The following GRIN2B variants were observed in gnomAD, a reference collection of about 807,000 sequenced individuals.
GRIN2B encodes glutamate ionotropic receptor NMDA type subunit 2B, also known as glutamate receptor ionotropic, NMDA 2B.
In GRIN2B, 5 loss-of-function variants were observed where a neutral mutation model predicts 114.5. That is an observed-to-expected ratio of 0.04 (90% CI 0.02 to 0.09). The LOEUF is 0.09. Ranked by LOEUF, GRIN2B falls within the 10% of genes least tolerant of loss-of-function variation. GRIN2B has a pLI of 1.00. For missense variants in GRIN2B, 1,108 were observed against 1,943.5 expected, an observed-to-expected ratio of 0.57 and a Z score of 8.08; for synonymous variants, 787 against 745.1, an observed-to-expected ratio of 1.06 and a Z score of -0.92.
At chr12:13,819,706 C>G in intron 3 of GRIN2B, among the ~76,000 whole-genome samples, 1 of 152,178 alleles carries the variant, frequency 6.6e-6, no homozygotes, top group East Asian at 1.9e-4. Context: ...TTTTACAGCA[C>G]TGTATGTCAG....
At position 13,611,741 on chromosome 12, in the gene GRIN2B, G is replaced by C; in HGVS notation, c.1764C>G (p.Cys588Trp). Residue 588 changes from cysteine to tryptophan, a missense_variant, in exon 9 of 14, where the codon TGC (cysteine) becomes TGG (tryptophan). Cys to Trp is a radical substitution (Grantham distance 215, BLOSUM62 -2). This residue lies in a region of GRIN2B where 24 missense variants were observed against 38.1 expected (regional missense o/e 0.63). Coordinates refer to ENST00000609686, the MANE Select transcript of GRIN2B (RefSeq NM_000834.5). Reference sequence around the variant, plus strand: ...CGGCCTTACCTCTGCCATCAGCGAGGCACCTGTTATAACCCACAGGGCTGA... The same window carrying C: ...CGGCCTTACCTCTGCCATCAGCGAGCCACCTGTTATAACCCACAGGGCTGA... ...EYFSPVGYNR[C>W]LADGREPGGP... The C allele has an allele frequency of 1.2e-6, 2 of 1,613,770 alleles. No homozygotes were observed. Among genetic ancestry groups the C allele is most frequent in the Non-Finnish European group, 1.7e-6 (2 of 1,179,700 alleles).
In GRIN2B at chr12:13,550,785, A is replaced by G. The variant is rs1466315515; in HGVS notation, c.*11998T>C. The G allele has an allele frequency of 6.6e-6, 1 of 152,200 alleles. No individual in the cohort carries two copies. The highest frequency in any genetic ancestry group is 1.5e-5 in the Non-Finnish European group (1 of 68,036). 9.4% of individuals were successfully genotyped at this position (152,200 alleles called of 1,614,324 possible). A position where few individuals can be genotyped will look rare whatever the true frequency, so the allele number is the denominator to read the frequency against. ...ACTGATTGGGCTCGAGTTTGGAAAC[A>G]TTAAGTACCATGCACGTGTTCGAGC... On this transcript the variant is annotated 3_prime_UTR_variant, in exon 14 of 14. Coordinates refer to ENST00000609686, the MANE Select transcript of GRIN2B (RefSeq NM_000834.5).
chr12:13,594,798 A>G (rs954083724), intron 10 of GRIN2B, among the ~76,000 whole-genome samples: 50 of 152,088 alleles, frequency 3.3e-4, no homozygotes, highest in Admixed American at 1.3e-4. Flanking sequence ...GGTGTATTGG[A>G]TAACGTGTGA....
Position 13,563,113 on chromosome 12 carries a change from C to A in GRIN2B, c.4125G>T (p.Lys1375Asn). The A allele has an allele frequency of 6.2e-7, 1 of 1,614,202 alleles. No homozygotes were observed. Among genetic ancestry groups the A allele is most frequent in the Non-Finnish European group, 8.5e-7 (1 of 1,180,046 alleles). The change falls in exon 14 of 14, where the codon AAG becomes AAT. Residue 1375 changes from lysine to asparagine, a missense_variant. Coordinates refer to ENST00000609686, the MANE Select transcript of GRIN2B (RefSeq NM_000834.5). ...NNPGGGYMLS[K>N]SLYPDRVTQN... ...GCGTGACCCGGTCAGGGTAGAGCGA[C>A]TTGCTGAGCATGTACCCGCCGCCGG...
intron 8 of GRIN2B, among the ~76,000 whole-genome samples, chr12:13,614,845 C>G (rs1039638499): frequency 6.6e-5 from 10 of 152,168 alleles, no homozygotes; most frequent in African/African-American, 2.2e-4. Flanking sequence ...GACTAAATGG[C>G]AGGAATGGGA....
chr12:13,851,686 T>G (rs1865568560), intron 3 of GRIN2B, among the ~76,000 whole-genome samples: 1 of 152,214 alleles, frequency 6.6e-6, no homozygotes, highest in Non-Finnish European at 1.5e-5. Flanking sequence ...CCAAGCTCCT[T>G]TCTCTCTTTC....
intron 2 of GRIN2B, among the ~76,000 whole-genome samples, chr12:13,900,678 T>C (rs1490318909): frequency 6.6e-6 from 1 of 152,186 alleles, no homozygotes; most frequent in Non-Finnish European, 1.5e-5. Context: ...ATTATCATCG[T>C]ATTCTTCCTT....
intron 4 of GRIN2B, among the ~76,000 whole-genome samples, chr12:13,713,359 G>C (rs1341050995): frequency 6.6e-6 from 1 of 151,782 alleles, no homozygotes; most frequent in Non-Finnish European, 1.5e-5. Flanking sequence ...AAAGAACACT[G>C]ACCTTAGTGG....
chr12:13,657,116 C>T (rs1949872754), intron 5 of GRIN2B, among the ~76,000 whole-genome samples: 1 of 152,146 alleles, frequency 6.6e-6, no homozygotes, highest in South Asian at 2.1e-4. Flanking sequence ...TGCTTTGCTG[C>T]CAGTCAGCTG....
At chr12:13,957,596 C>T (rs770272881) in intron 2 of GRIN2B, among the ~76,000 whole-genome samples, 6 of 152,224 alleles carry the variant, frequency 3.9e-5, no homozygotes, top group Middle Eastern at 3.4e-3. Flanking sequence ...TGGGAAGAGG[C>T]GAGAACCACA....
intron 2 of GRIN2B, among the ~76,000 whole-genome samples, chr12:13,908,449 A>G (rs970077780): frequency 2.0e-5 from 3 of 152,172 alleles, no homozygotes; most frequent in African/African-American, 7.2e-5. Context: ...ATTGTCCCAT[A>G]TTACAGATGA....
At chr12:13,702,507 G>C (rs1302187976) in intron 4 of GRIN2B, among the ~76,000 whole-genome samples, 3 of 152,168 alleles carry the variant, frequency 2.0e-5, no homozygotes, top group Non-Finnish European at 2.9e-5. Context: ...GATTGAAACT[G>C]TGATAAGCGG....
At chr12:13,864,056 T>A (rs770724272) in intron 3 of GRIN2B, among the ~76,000 whole-genome samples, 20 of 152,258 alleles carry the variant, frequency 1.3e-4, no homozygotes, top group Non-Finnish European at 2.4e-4. Context: ...CACAGCAGTC[T>A]ACATTTTCCA....
rs541726295 is a variant in GRIN2B at position 13,979,989 on chromosome 12, G to A, written c.-80C>T. ...TTAAGGGAGTGAGCATGTTGGGAAT[G>A]TCCAGTCCCTTCTTCTCGCTTGCAT... On this transcript the variant is annotated 5_prime_UTR_variant, in exon 2 of 14. Coordinates refer to ENST00000609686, the MANE Select transcript of GRIN2B (RefSeq NM_000834.5). 1.3e-5 allele frequency: 2 copies of A among 152,314 alleles called. No homozygotes were observed. The highest frequency in any genetic ancestry group is 2.1e-4 in the South Asian group (1 of 4,820). 9.4% of individuals were successfully genotyped at this position (152,314 alleles called of 1,614,324 possible).
intron 5 of GRIN2B, among the ~76,000 whole-genome samples, chr12:13,625,964 T>G (rs998770338): frequency 9.2e-5 from 14 of 152,076 alleles, no homozygotes; most frequent in African/African-American, 3.4e-4. Flanking sequence ...CTCAAATAGG[T>G]GGAAAGATTC....
intron 5 of GRIN2B, among the ~76,000 whole-genome samples, chr12:13,634,458 ACT>A (rs1355933783): frequency 6.6e-6 from 1 of 152,094 alleles, no homozygotes; most frequent in African/African-American, 2.4e-5. Flanking sequence ...GCCAATGGAG[ACT>A]CTGCCATCTT....
At chr12:13,655,206 A>G (rs1949851207) in intron 5 of GRIN2B, among the ~76,000 whole-genome samples, 1 of 152,150 alleles carries the variant, frequency 6.6e-6, no homozygotes, top group South Asian at 2.1e-4. Context: ...AAAGGCATTC[A>G]AAAGCCGTAA....
intron 4 of GRIN2B, among the ~76,000 whole-genome samples, chr12:13,744,322 GT>G (rs901007979): frequency 2.8e-4 from 42 of 152,274 alleles, no homozygotes; most frequent in African/African-American, 9.6e-4. Flanking sequence ...ATATAAAAGT[GT>G]TTTATCCAGT....
chr12:13,843,615 G>C (rs1865423548), intron 3 of GRIN2B, among the ~76,000 whole-genome samples: 1 of 152,128 alleles, frequency 6.6e-6, no homozygotes, highest in African/African-American at 2.4e-5. Context: ...GCTGGTAGTT[G>C]ATAAATATTA....
Sources: gnomAD v4.1 joint callset for allele counts (sites outside exome capture counted in the v4.1 genomes callset) on GRCh38, gnomAD v4.1.1 for gene constraint, gnomAD v4.1.1 regional missense constraint, MANE v1.5 for transcripts, NCBI Gene and HGNC (gene_info 2026-07-23, HGNC 2026-07-21) for gene names.